The following RBM20 variants were observed in gnomAD, a reference collection of about 807,000 sequenced individuals.
The protein encoded by RBM20 is RNA-binding protein 20.
A neutral mutation model predicts 110.1 loss-of-function variants in RBM20; 51 were observed. The ratio of observed to expected loss-of-function variants is 0.46; its 90% CI spans 0.37 to 0.59. The LOEUF is 0.59. RBM20 is among the 20% of genes least tolerant of loss of function. The probability of loss-of-function intolerance (pLI) is 0.00; values close to 1 mark genes in which losing one functional copy is unlikely to be tolerated. For synonymous variants in RBM20, 589 were observed against 618.2 expected (o/e 0.95, Z 0.70); for missense variants, 1,512 against 1,574.9 (o/e 0.96, Z 0.68).
At position 110,814,890 on chromosome 10, in the gene RBM20, A is replaced by G. The variant is rs538453202; in HGVS notation, c.2550+1943A>G. Among the ~76,000 whole-genome samples, 8 of 152,344 alleles carry G rather than the reference A, an allele frequency of 5.3e-5. No individual in the cohort carries two copies. The East Asian group carries it at 1.3e-3, about 26-fold the overall frequency. On this transcript the variant is annotated intron_variant, in intron 9 of 13. Transcript: ENST00000369519. Reference sequence around the variant, plus strand: ...ATCGGCATGGCTGCATCTTTAGGGCATATTAGGGATAATGTTTTTAAAGAG... The same window carrying G: ...ATCGGCATGGCTGCATCTTTAGGGCGTATTAGGGATAATGTTTTTAAAGAG...
chr10:110,797,166 G>A (rs1161273589), intron 5 of RBM20, among the ~76,000 whole-genome samples: 1 of 152,106 alleles, frequency 6.6e-6, no homozygotes, highest in Non-Finnish European at 1.5e-5. Context: ...GGTGGTGCAT[G>A]CCTGTGGTCC....
intron 11 of RBM20, among the ~76,000 whole-genome samples, chr10:110,822,904 C>T (rs2135124318): frequency 6.6e-6 from 1 of 152,266 alleles, no homozygotes; most frequent in East Asian, 1.9e-4. Context: ...GAGGCCCAGG[C>T]TCTGTCTAGA....
chr10:110,647,879 C>T (rs747009163), intron 1 of RBM20, among the ~76,000 whole-genome samples: 2 of 152,188 alleles, frequency 1.3e-5, no homozygotes, highest in Non-Finnish European at 2.9e-5. Flanking sequence ...CAGAGCCACT[C>T]AATTCCGTGT....
intron 1 of RBM20, among the ~76,000 whole-genome samples, chr10:110,653,561 T>G (rs1488962953): frequency 6.6e-6 from 1 of 151,628 alleles, no homozygotes; most frequent in African/African-American, 2.4e-5. Context: ...GTTTATAATG[T>G]CTTTCTCTTT....
intron 1 of RBM20, among the ~76,000 whole-genome samples, chr10:110,665,995 A>AG (rs1862169872): frequency 2.1e-5 from 3 of 145,378 alleles, no homozygotes; most frequent in Admixed American, 1.4e-4. Context: ...CAAAGAAAGA[A>AG]AGAGAGAGAG....
intron 1 of RBM20, among the ~76,000 whole-genome samples, chr10:110,711,310 A>G (rs928055689): frequency 7.3e-5 from 10 of 137,580 alleles, no homozygotes; most frequent in Non-Finnish European, 1.4e-4. Flanking sequence ...AGCCTGGGAG[A>G]CAGAGTGAGA....
intron 1 of RBM20, among the ~76,000 whole-genome samples, chr10:110,715,909 G>A (rs1863008684): frequency 6.6e-6 from 1 of 152,176 alleles, no homozygotes; most frequent in South Asian, 2.1e-4. Context: ...AACTACAAGG[G>A]AGGCAGAAAG....
chr10:110,674,324 A>G (rs1336856528), intron 1 of RBM20, among the ~76,000 whole-genome samples: 2 of 152,216 alleles, frequency 1.3e-5, no homozygotes, highest in Non-Finnish European at 2.9e-5. Context: ...TCTCCTGTTC[A>G]TGGGGAATTG....
At chr10:110,787,001 C>T (rs1358330443) in intron 5 of RBM20, among the ~76,000 whole-genome samples, 2 of 152,198 alleles carry the variant, frequency 1.3e-5, no homozygotes, top group Non-Finnish European at 2.9e-5. Flanking sequence ...CACCCTCCAG[C>T]GCTGCCCATT....
chr10:110,710,107 C>G (rs763853793), intron 1 of RBM20, among the ~76,000 whole-genome samples: 1 of 152,094 alleles, frequency 6.6e-6, no homozygotes, highest in African/African-American at 2.4e-5. Flanking sequence ...CCACTGAATT[C>G]GATCAACTTT....
At chr10:110,835,708 C>A in intron 13 of RBM20, 160 bp from the exon 14 acceptor site, 1 of 582,044 alleles carries the variant, frequency 1.7e-6, no homozygotes, top group African/African-American at 1.9e-5. Flanking sequence ...AGCATAAGTT[C>A]TGTAGCCCCA....
chr10:110,774,676 T>C (rs184267430), intron 1 of RBM20, among the ~76,000 whole-genome samples: 1 of 152,150 alleles, frequency 6.6e-6, no homozygotes, highest in African/African-American at 2.4e-5. Flanking sequence ...TGTTTTTTGT[T>C]GTTTTCTTTT....
intron 1 of RBM20, among the ~76,000 whole-genome samples, chr10:110,672,768 T>G (rs981880439): frequency 1.3e-5 from 2 of 152,242 alleles, no homozygotes; most frequent in Non-Finnish European, 2.9e-5. Context: ...ACTTGAGTTT[T>G]TCAAATAAAG....
chr10:110,740,316 G>A lies in RBM20; in HGVS notation c.192-40485G>A, dbSNP rs75464621. Among the ~76,000 whole-genome samples the A allele has an allele frequency of 4.9e-3, 751 of 152,122 alleles. 10 individuals carry two copies. The highest frequency in any genetic ancestry group is 0.017 in the African/African-American group (690 of 41,462). ...TAGTGTAGGTCAAAAGGACTGTGTCGGAGATAGAAAACAACATTTTTTTTA... is the reference window on the plus strand; with the variant it reads ...TAGTGTAGGTCAAAAGGACTGTGTCAGAGATAGAAAACAACATTTTTTTTA... On this transcript the variant is annotated intron_variant, in intron 1 of 13. Transcript: ENST00000369519.
At chr10:110,775,911 T>G (rs1844256479) in intron 1 of RBM20, among the ~76,000 whole-genome samples, 1 of 152,232 alleles carries the variant, frequency 6.6e-6, no homozygotes, top group Non-Finnish European at 1.5e-5. Flanking sequence ...ATCAAGGAGC[T>G]GCCTGTACCT....
intron 1 of RBM20, among the ~76,000 whole-genome samples, chr10:110,687,995 T>TGTGTG (rs1862529719): frequency 1.1e-3 from 157 of 145,482 alleles, no homozygotes; most frequent in African/African-American, 3.8e-3. Context: ...CTAAATGGTT[T>TGTGTG]TGTGTGTGTG....
At chr10:110,822,360 A>C in intron 11 of RBM20, 1 of 449,470 alleles carries the variant, frequency 2.2e-6, no homozygotes, top group Non-Finnish European at 4.4e-6. Flanking sequence ...TGGAAGGGGA[A>C]GGAACAGAGG....
chr10:110,831,134 A>T lies in RBM20; in HGVS notation c.3525A>T (p.Thr1175=). 1 of 1,551,684 alleles carries T rather than the reference A, an allele frequency of 6.4e-7. No individual in the cohort carries two copies. The highest frequency in any genetic ancestry group is 8.7e-7 in the Non-Finnish European group (1 of 1,146,954). ...LCGLFYTSEE[T]AKMSHCRSAV... is the part of the protein sequence containing the mutation. ...GGCTGTTCTACACGAGCGAGGAGAC[A>T]GCAAAGATGAGCCACTGCCGCAGCG... The change falls in exon 13 of 14, where the codon ACA becomes ACT. Residue 1175 remains threonine (T), a synonymous_variant. Coordinates refer to ENST00000369519, the MANE Select transcript of RBM20 (RefSeq NM_001134363.3).
chr10:110,824,617 G>C (rs992884083), intron 12 of RBM20, among the ~76,000 whole-genome samples: 5 of 152,118 alleles, frequency 3.3e-5, no homozygotes, highest in Admixed American at 3.3e-4. Context: ...AATCACCTAG[G>C]AATGAATCCC....
Sources: allele counts gnomAD v4.1 joint callset (sites outside exome capture counted in the v4.1 genomes callset), GRCh38; gene constraint gnomAD v4.1.1; transcripts MANE v1.5; gene names NCBI Gene and HGNC (gene_info 2026-07-23, HGNC 2026-07-21).